The following LSAMP variants were observed in gnomAD, a reference collection of about 807,000 sequenced individuals.
LSAMP encodes the protein limbic system-associated membrane protein.
LSAMP carries 7 observed loss-of-function variants against 38.6 expected under a neutral mutation model. The ratio of observed to expected loss-of-function variants is 0.18; its 90% CI spans 0.10 to 0.34. The LOEUF (loss-of-function observed/expected upper bound fraction) is 0.34, where lower values mean the gene tolerates loss of function less well. Among genes scored for constraint, LSAMP ranks in the 10% least tolerant of loss-of-function variants. LSAMP has a pLI of 1.00. For synonymous variants in LSAMP, 154 were observed against 166.8 expected (o/e 0.92, Z 0.59); for missense variants, 313 against 420.0 (o/e 0.75, Z 2.23).
At chr3:116,058,215 T>A (rs902426473) in intron 2 of LSAMP, among the ~76,000 whole-genome samples, 1 of 152,192 alleles carries the variant, frequency 6.6e-6, no homozygotes, top group African/African-American at 2.4e-5. Flanking sequence ...TATAGGCAAG[T>A]CATTGTAACA....
chr3:116,136,620 T>C (rs114950630), intron 1 of LSAMP, among the ~76,000 whole-genome samples: 1 of 152,232 alleles, frequency 6.6e-6, no homozygotes, highest in African/African-American at 2.4e-5. Flanking sequence ...ACTTTGCTTT[T>C]CTCTTTTCTG....
chr3:116,284,767 CA>C (rs2047172201), intron 1 of LSAMP, among the ~76,000 whole-genome samples: 2 of 152,306 alleles, frequency 1.3e-5, no homozygotes, highest in South Asian at 4.1e-4. Context: ...GGATGGTTTC[CA>C]AACTTCAGAA....
At chr3:116,130,795 A>G (rs1342608421) in intron 1 of LSAMP, among the ~76,000 whole-genome samples, 3 of 152,220 alleles carry the variant, frequency 2.0e-5, no homozygotes, top group Admixed American at 6.5e-5. Context: ...CAGAAATCCT[A>G]AACATATATG....
chr3:116,418,665 C>T (rs2049083026), intron 1 of LSAMP, among the ~76,000 whole-genome samples: 1 of 152,140 alleles, frequency 6.6e-6, no homozygotes, highest in African/African-American at 2.4e-5. Context: ...AAATTACTTT[C>T]CTTTGCCCAG....
chr3:116,444,612 C>G lies in LSAMP; in HGVS notation c.155+265G>C, dbSNP rs192374301. 4.3e-4 allele frequency among the ~76,000 whole-genome samples: 65 copies of G among 152,038 alleles called. 1 individual carries two copies. The highest frequency in any genetic ancestry group is 1.5e-3 in the African/African-American group (63 of 41,464). On this transcript the variant is annotated intron_variant, in intron 1 of 6. Coordinates refer to ENST00000490035, the MANE Select transcript of LSAMP (RefSeq NM_002338.5). ...CTTCCTTGATAAGAGAAACAAGGTC[C>G]TAAGAACCGAACAACATTTAACCAA...
chr3:116,004,520 G>GTGTA (rs1278367678), intron 3 of LSAMP, among the ~76,000 whole-genome samples: 2 of 109,532 alleles, frequency 1.8e-5, no homozygotes, highest in African/African-American at 7.5e-5. Context: ...GTATATATAT[G>GTGTA]TGTATATATA....
chr3:116,005,950 T>A (rs1940146960), intron 3 of LSAMP, among the ~76,000 whole-genome samples: 2 of 152,104 alleles, frequency 1.3e-5, no homozygotes, highest in Admixed American at 6.5e-5. Context: ...AAGAGAGGAT[T>A]TACCTCTAAG....
chr3:115,842,971 C>T (rs1196993040), intron 4 of LSAMP, among the ~76,000 whole-genome samples: 2 of 152,146 alleles, frequency 1.3e-5, no homozygotes, highest in East Asian at 1.9e-4. Context: ...ATAATTTGAC[C>T]ATTTTTCTTT....
At chr3:116,300,853 A>G (rs1241830607) in intron 1 of LSAMP, among the ~76,000 whole-genome samples, 1 of 152,180 alleles carries the variant, frequency 6.6e-6, no homozygotes, top group East Asian at 1.9e-4. Context: ...TCGGCATGTA[A>G]TATTCACAAA....
chr3:116,283,938 G>A (rs575689145), intron 1 of LSAMP, among the ~76,000 whole-genome samples: 8 of 152,024 alleles, frequency 5.3e-5, no homozygotes, highest in African/African-American at 1.4e-4. Flanking sequence ...CCCAGGAGGC[G>A]GAGGTTGCAG....
intron 3 of LSAMP, among the ~76,000 whole-genome samples, chr3:115,995,230 C>G (rs546664953): frequency 6.6e-6 from 1 of 152,194 alleles, no homozygotes; most frequent in South Asian, 2.1e-4. Context: ...TGTCAGTAGC[C>G]AGGTAATTAA....
At chr3:116,437,474 T>G (rs1224818272) in intron 1 of LSAMP, among the ~76,000 whole-genome samples, 2 of 152,112 alleles carry the variant, frequency 1.3e-5, no homozygotes, top group African/African-American at 4.8e-5. Context: ...TACAGACAGA[T>G]AGTAGACATG....
At chr3:116,029,270 A>G (rs1195362805) in intron 2 of LSAMP, among the ~76,000 whole-genome samples, 1 of 152,130 alleles carries the variant, frequency 6.6e-6, no homozygotes, top group African/African-American at 2.4e-5. Flanking sequence ...ATTAGGATCC[A>G]TTTGCAAAGC....
chr3:116,187,633 T>C (rs755789460), intron 1 of LSAMP, among the ~76,000 whole-genome samples: 4 of 152,074 alleles, frequency 2.6e-5, no homozygotes, highest in Non-Finnish European at 4.4e-5. Context: ...TCATAGATAT[T>C]ACACAGTAAG....
At chr3:116,338,958 T>C (rs908288503) in intron 1 of LSAMP, among the ~76,000 whole-genome samples, 1 of 152,070 alleles carries the variant, frequency 6.6e-6, no homozygotes, top group Non-Finnish European at 1.5e-5. Flanking sequence ...GTACACCTCC[T>C]GCTGTGATAG....
At chr3:116,378,944 G>A (rs1424196127) in intron 1 of LSAMP, among the ~76,000 whole-genome samples, 1 of 149,658 alleles carries the variant, frequency 6.7e-6, no homozygotes, top group East Asian at 2.0e-4. Flanking sequence ...CATGTCCCAG[G>A]ATTTATGCTT....
chr3:116,170,421 C>A (rs1232149821), intron 1 of LSAMP, among the ~76,000 whole-genome samples: 1 of 152,064 alleles, frequency 6.6e-6, no homozygotes, highest in Non-Finnish European at 1.5e-5. Flanking sequence ...AATTACCTTT[C>A]ATATTATAAG....
intron 3 of LSAMP, among the ~76,000 whole-genome samples, chr3:115,882,533 C>A (rs1936348188): frequency 6.6e-6 from 1 of 151,948 alleles, no homozygotes; most frequent in African/African-American, 2.4e-5. Flanking sequence ...TATTCAAGAG[C>A]CATTCTCCTA....
chr3:116,381,962 C>CA (rs1482436555), intron 1 of LSAMP, among the ~76,000 whole-genome samples: 2 of 151,424 alleles, frequency 1.3e-5, no homozygotes, highest in East Asian at 1.9e-4. Context: ...GCGTTTGAGA[C>CA]AAAAAAATAG....
Sources: gnomAD v4.1 joint callset for allele counts (sites outside exome capture counted in the v4.1 genomes callset) on GRCh38, gnomAD v4.1.1 for gene constraint, MANE v1.5 for transcripts, NCBI Gene and HGNC (gene_info 2026-07-23, HGNC 2026-07-21) for gene names.